FRMD5: variants seen among roughly 807,000 people sequenced by gnomAD.
The protein encoded by FRMD5 is FERM domain-containing protein 5.
FRMD5 carries 20 observed loss-of-function variants against 69.0 expected under a neutral mutation model. The observed-to-expected ratio is 0.29, with a 90% CI of 0.20 to 0.42. The LOEUF is 0.42. Among genes scored for constraint, FRMD5 ranks in the 10% least tolerant of loss-of-function variants. The probability of loss-of-function intolerance (pLI) is 1.00; values close to 1 mark genes in which losing one functional copy is unlikely to be tolerated. For synonymous variants in FRMD5, 271 were observed against 260.1 expected (o/e 1.04, Z -0.40); for missense variants, 595 against 708.6 (o/e 0.84, Z 1.82).
chr15:43,980,987 A>G (rs2090539576), intron 1 of FRMD5, among the ~76,000 whole-genome samples: 1 of 152,198 alleles, frequency 6.6e-6, no homozygotes, highest in Admixed American at 6.5e-5. Context: ...TACTGATAAC[A>G]TAGTCAATTT....
At chr15:44,095,830 A>C (rs959874729) in intron 1 of FRMD5, among the ~76,000 whole-genome samples, 1 of 152,186 alleles carries the variant, frequency 6.6e-6, no homozygotes, top group Non-Finnish European at 1.5e-5. Context: ...ACTCAAAGGC[A>C]TGCCTGACTG....
chr15:44,110,501 G>T (rs2076782470), intron 1 of FRMD5, among the ~76,000 whole-genome samples: 1 of 152,114 alleles, frequency 6.6e-6, no homozygotes, highest in Non-Finnish European at 1.5e-5. Context: ...CTTTTTGCAG[G>T]ACTTCATATA....
At chr15:44,170,544 A>G (rs1303200396) in intron 1 of FRMD5, among the ~76,000 whole-genome samples, 2 of 152,134 alleles carry the variant, frequency 1.3e-5, no homozygotes, top group African/African-American at 4.8e-5. Flanking sequence ...AAAACTTTAA[A>G]TATGTTTTCA....
chr15:44,192,835 A>G (rs2078218320), intron 1 of FRMD5, among the ~76,000 whole-genome samples: 1 of 152,202 alleles, frequency 6.6e-6, no homozygotes, highest in Non-Finnish European at 1.5e-5. Flanking sequence ...ATCACAATGC[A>G]CAATCATTAA....
At chr15:44,100,661 T>C (rs941760905) in intron 1 of FRMD5, among the ~76,000 whole-genome samples, 1 of 152,124 alleles carries the variant, frequency 6.6e-6, no homozygotes, top group African/African-American at 2.4e-5. Flanking sequence ...CAACCATCAA[T>C]GAGACACAGT....
At chr15:44,038,284 CTTTAG>C (rs1237749014) in intron 1 of FRMD5, among the ~76,000 whole-genome samples, 3 of 152,032 alleles carry the variant, frequency 2.0e-5, no homozygotes, top group Non-Finnish European at 4.4e-5. Context: ...TGCAGAAGCT[CTTTAG>C]TTTAATTAGA....
At position 43,905,952 on chromosome 15, in the gene FRMD5, C is replaced by T; in HGVS notation, c.428-1G>A. On this transcript the variant is annotated splice_acceptor_variant, in intron 5 of 13. Coordinates refer to ENST00000417257, the MANE Select transcript of FRMD5 (RefSeq NM_032892.5). LOFTEE classifies it high-confidence loss of function. ...CCTGAGTCATAATCCCCAATCTCCG[C>T]TTTCAAAAGGAAGGTGGAAGAAAAC... 1 of 1,614,196 alleles carries T rather than the reference C, an allele frequency of 6.2e-7. No individual in the cohort carries two copies. Among genetic ancestry groups the T allele is most frequent in the Non-Finnish European group, 8.5e-7 (1 of 1,180,034 alleles).
intron 13 of FRMD5, among the ~76,000 whole-genome samples, chr15:43,874,884 A>G (rs1255393155): frequency 6.6e-6 from 1 of 151,696 alleles, no homozygotes; most frequent in Admixed American, 6.6e-5. Flanking sequence ...TCGGCAACAG[A>G]GTGAGTAAGA....
At chr15:44,100,221 AT>A (rs925221217) in intron 1 of FRMD5, among the ~76,000 whole-genome samples, 6 of 149,300 alleles carry the variant, frequency 4.0e-5, no homozygotes, top group African/African-American at 1.5e-4. Flanking sequence ...ACCCGGCTAA[AT>A]TTTTTTTTTT....
At chr15:44,167,588 T>A (rs2077731289) in intron 1 of FRMD5, among the ~76,000 whole-genome samples, 1 of 149,870 alleles carries the variant, frequency 6.7e-6, no homozygotes. Flanking sequence ...CATTTCATTA[T>A]CACAATTTTT....
intron 1 of FRMD5, among the ~76,000 whole-genome samples, chr15:44,034,869 T>G: frequency 6.6e-6 from 1 of 152,150 alleles, no homozygotes; most frequent in South Asian, 2.1e-4. Context: ...TGCTTCTAAC[T>G]ATTTTCCCTC....
At chr15:44,197,578 A>G (rs1263554983), upstream of FRMD5, among the ~76,000 whole-genome samples, 1 of 147,568 alleles carries the variant, frequency 6.8e-6, no homozygotes, top group Non-Finnish European at 1.5e-5. Flanking sequence ...GCTACTCAGG[A>G]GGCTGAGGCA....
intron 1 of FRMD5, chr15:43,989,753 T>C (rs1172286536): frequency 5.0e-6 from 5 of 995,186 alleles, no homozygotes; most frequent in Admixed American, 1.7e-5. Flanking sequence ...AGGCCAGAGG[T>C]GTACAGGGAC....
intron 1 of FRMD5, among the ~76,000 whole-genome samples, chr15:44,124,903 C>T (rs562444227): frequency 1.9e-4 from 29 of 152,072 alleles, no homozygotes; most frequent in African/African-American, 6.7e-4. Flanking sequence ...ACGGGAAGAT[C>T]GCTTGAGCCC....
chr15:43,955,867 T>C (rs1244489422), intron 1 of FRMD5, among the ~76,000 whole-genome samples: 4 of 152,164 alleles, frequency 2.6e-5, no homozygotes, highest in African/African-American at 9.7e-5. Flanking sequence ...CAAAATGTTT[T>C]CAGAGTTTCA....
chr15:43,883,468 C>T (rs2088586316), intron 13 of FRMD5, among the ~76,000 whole-genome samples: 1 of 152,156 alleles, frequency 6.6e-6, no homozygotes, highest in African/African-American at 2.4e-5. Context: ...TGCAAGTCCC[C>T]CAAAGGGCTA....
chr15:43,903,719 G>A (rs1026946190), intron 6 of FRMD5, among the ~76,000 whole-genome samples: 1 of 152,188 alleles, frequency 6.6e-6, no homozygotes, highest in East Asian at 1.9e-4. Flanking sequence ...TCTGCAGGGG[G>A]AGTGGGCCCT....
intron 1 of FRMD5, among the ~76,000 whole-genome samples, chr15:44,100,963 A>T (rs2076630258): frequency 6.6e-6 from 1 of 152,104 alleles, no homozygotes; most frequent in South Asian, 2.1e-4. Flanking sequence ...ATCCTGGCCA[A>T]CATGGTAAAA....
chr15:43,984,972 ACT>A lies in FRMD5; in HGVS notation c.103-60665_103-60664del, dbSNP rs1176674004. Among the ~76,000 whole-genome samples the A allele has an allele frequency of 4.3e-5, 5 of 116,570 alleles. No homozygotes were observed. In the East Asian group the frequency reaches 1.1e-3, roughly 25 times the overall value. 76.5% of individuals were successfully genotyped at this position (116,570 alleles called of 152,430 possible). A position where few individuals can be genotyped will look rare whatever the true frequency, so the allele number is the denominator to read the frequency against. ...GCACCCCAAACTGGGCGACAGAACA[ACT>A]CTGTCTAGAAAAAAAAAAAAACAAG... On this transcript the variant is annotated intron_variant, in intron 1 of 13. Coordinates refer to ENST00000417257, the MANE Select transcript of FRMD5 (RefSeq NM_032892.5).
Sources: gnomAD v4.1 joint callset for allele counts (sites outside exome capture counted in the v4.1 genomes callset) on GRCh38, gnomAD v4.1.1 for gene constraint, MANE v1.5 for transcripts, NCBI Gene and HGNC (gene_info 2026-07-23, HGNC 2026-07-21) for gene names.